The following SPIDR variants were observed in gnomAD, a reference collection of about 807,000 sequenced individuals.
SPIDR encodes scaffold protein involved in DNA repair.
In SPIDR, 93 loss-of-function variants were observed where a neutral mutation model predicts 104.6. The ratio of observed to expected loss-of-function variants is 0.89; its 90% CI spans 0.75 to 1.06. The LOEUF is 1.06. Ranked by LOEUF, SPIDR falls within the 50% of genes least tolerant of loss-of-function variation. The pLI is 0.00. For synonymous variants in SPIDR, 431 were observed against 416.9 expected (o/e 1.03, Z -0.41); for missense variants, 1,154 against 1,111.2 (o/e 1.04, Z -0.55).
intron 5 of SPIDR, among the ~76,000 whole-genome samples, chr8:47,371,347 G>A (rs1436002086): frequency 1.3e-5 from 2 of 152,036 alleles, no homozygotes; most frequent in Non-Finnish European, 2.9e-5. Context: ...GGAGCCCACT[G>A]GTCACTAACT....
rs1229589674 is a variant in SPIDR at position 47,261,006 on chromosome 8, G to A, written c.33+15G>A. ...GGGGCTCTAAGGTAGGCTCTGGGGC[G>A]GGAGTGGGCGCCGCGCCGTTTCCCG... On this transcript the variant is annotated intron_variant, in intron 1 of 19. Transcript: ENST00000297423. 15 of 1,227,912 alleles carry A rather than the reference G, an allele frequency of 1.2e-5. No individual in the cohort carries two copies. Among genetic ancestry groups the A allele is most frequent in the Non-Finnish European group, 1.5e-5 (15 of 985,286 alleles). 76.1% of individuals were successfully genotyped at this position (1,227,912 alleles called of 1,614,324 possible).
At chr8:47,436,264 G>T (rs1481789154) in intron 7 of SPIDR, among the ~76,000 whole-genome samples, 1 of 152,230 alleles carries the variant, frequency 6.6e-6, no homozygotes, top group African/African-American at 2.4e-5. Flanking sequence ...GCTTCTGGCT[G>T]GGATTCAGAA....
chr8:47,493,219 G>A (rs1292478233), intron 8 of SPIDR, among the ~76,000 whole-genome samples: 2 of 152,124 alleles, frequency 1.3e-5, no homozygotes, highest in Non-Finnish European at 2.9e-5. Flanking sequence ...CCATACACAG[G>A]ACAGATTTCC....
At chr8:47,548,484 C>G (rs2089863495) in intron 8 of SPIDR, among the ~76,000 whole-genome samples, 1 of 152,166 alleles carries the variant, frequency 6.6e-6, no homozygotes, top group Non-Finnish European at 1.5e-5. Flanking sequence ...CCTGTCTCTA[C>G]TAAAAATACA....
At chr8:47,550,320 G>C (rs1244933025) in intron 8 of SPIDR, among the ~76,000 whole-genome samples, 4 of 152,204 alleles carry the variant, frequency 2.6e-5, no homozygotes, top group Non-Finnish European at 5.9e-5. Context: ...TTGGTAGCTT[G>C]ATGCGGATGG....
chr8:47,664,631 C>T (rs1204031587), intron 10 of SPIDR, among the ~76,000 whole-genome samples: 1 of 150,756 alleles, frequency 6.6e-6, no homozygotes, highest in Admixed American at 6.7e-5. Context: ...AATGAGGCTG[C>T]GCATGGAAGC....
intron 11 of SPIDR, among the ~76,000 whole-genome samples, chr8:47,691,146 G>T (rs1439948243): frequency 6.6e-6 from 1 of 151,786 alleles, no homozygotes; most frequent in Non-Finnish European, 1.5e-5. Flanking sequence ...ACAAAAATTA[G>T]CCCTGCATGG....
chr8:47,680,418 C>T (rs1474144211), intron 11 of SPIDR, among the ~76,000 whole-genome samples: 1 of 152,180 alleles, frequency 6.6e-6, no homozygotes, highest in Admixed American at 6.5e-5. Flanking sequence ...GAGCCCATCA[C>T]GTTCCATCCA....
At chr8:47,461,134 C>T (rs1554713252) in intron 8 of SPIDR, among the ~76,000 whole-genome samples, 1 of 152,146 alleles carries the variant, frequency 6.6e-6, no homozygotes, top group East Asian at 1.9e-4. Flanking sequence ...TATGCCTAGG[C>T]AATGATCTTT....
intron 15 of SPIDR, 158 bp downstream of exon 15, chr8:47,713,030 A>G: frequency 5.0e-6 from 7 of 1,404,602 alleles, no homozygotes; most frequent in Non-Finnish European, 6.5e-6. Flanking sequence ...TCCAGCCTTC[A>G]CTGACCCTGT....
chr8:47,339,467 T>C (rs2154274055), intron 5 of SPIDR, among the ~76,000 whole-genome samples: 1 of 152,302 alleles, frequency 6.6e-6, no homozygotes, highest in South Asian at 2.1e-4. Flanking sequence ...ATAATTTCCA[T>C]GTTTTTTTCG....
chr8:47,463,993 G>C (rs1173445408), intron 8 of SPIDR, among the ~76,000 whole-genome samples: 1 of 152,096 alleles, frequency 6.6e-6, no homozygotes, highest in African/African-American at 2.4e-5. Flanking sequence ...GATAGTATTA[G>C]AAGTTCTGAC....
chr8:47,613,947 G>A (rs1477148750), intron 10 of SPIDR, among the ~76,000 whole-genome samples: 4 of 152,100 alleles, frequency 2.6e-5, no homozygotes, highest in Non-Finnish European at 5.9e-5. Flanking sequence ...GTAGTTTGCT[G>A]CACCTATCAA....
At chr8:47,319,407 T>C (rs2046067600) in intron 5 of SPIDR, among the ~76,000 whole-genome samples, 1 of 152,160 alleles carries the variant, frequency 6.6e-6, no homozygotes, top group Admixed American at 6.5e-5. Context: ...AGCCTAAATA[T>C]ATATGCACCC....
intron 5 of SPIDR, among the ~76,000 whole-genome samples, chr8:47,367,656 C>T (rs1563758202): frequency 6.6e-6 from 1 of 152,198 alleles, no homozygotes; most frequent in Non-Finnish European, 1.5e-5. Context: ...AATTCTACCA[C>T]TTAGCCCACA....
At chr8:47,493,851 A>T (rs929360888) in intron 8 of SPIDR, among the ~76,000 whole-genome samples, 4 of 152,192 alleles carry the variant, frequency 2.6e-5, no homozygotes, top group Non-Finnish European at 5.9e-5. Context: ...ACTATCTAGA[A>T]TGAATAAACG....
intron 8 of SPIDR, among the ~76,000 whole-genome samples, chr8:47,539,730 T>C (rs2087726768): frequency 1.3e-5 from 2 of 151,404 alleles, no homozygotes; most frequent in African/African-American, 4.9e-5. Context: ...AATCTTAAGG[T>C]CCTTCACTTT....
At chr8:47,324,824 C>T (rs1247801541) in intron 5 of SPIDR, among the ~76,000 whole-genome samples, 2 of 152,176 alleles carry the variant, frequency 1.3e-5, no homozygotes. Flanking sequence ...TACTGGATGG[C>T]TTCAATAACA....
chr8:47,283,108 G>A (rs1044395518), intron 2 of SPIDR, among the ~76,000 whole-genome samples: 6 of 152,078 alleles, frequency 3.9e-5, no homozygotes, highest in Non-Finnish European at 7.4e-5. Context: ...TACTTGCGTT[G>A]GCCTCCCAGA....
Sources: gnomAD v4.1 joint callset for allele counts (sites outside exome capture counted in the v4.1 genomes callset) on GRCh38, gnomAD v4.1.1 for gene constraint, MANE v1.5 for transcripts, NCBI Gene and HGNC (gene_info 2026-07-23, HGNC 2026-07-21) for gene names.